POGZ: variants seen among roughly 807,000 people sequenced by gnomAD.
The protein encoded by POGZ is pogo transposable element derived with ZNF domain.
Under a neutral mutation model 134.6 loss-of-function variants are expected in POGZ, and 17 were observed. That is an observed-to-expected ratio of 0.13 (90% CI 0.09 to 0.19). The LOEUF (loss-of-function observed/expected upper bound fraction) is 0.19, where lower values mean the gene tolerates loss of function less well. Ranked by LOEUF, POGZ falls within the 10% of genes least tolerant of loss-of-function variation. POGZ has a pLI of 1.00. For synonymous variants in POGZ, 693 were observed against 657.1 expected (o/e 1.05, Z -0.84); for missense variants, 1,306 against 1,769.7 (o/e 0.74, Z 4.70).
intron 3 of POGZ, among the ~76,000 whole-genome samples, chr1:151,437,924 C>T (rs1659897051): frequency 6.6e-6 from 1 of 151,748 alleles, no homozygotes. Context: ...TCAAGAGTTC[C>T]TAGGCTGGGC....
chr1:151,428,093 G>C (rs1658074301), intron 6 of POGZ, 30 bp downstream of exon 6: 6 of 1,613,188 alleles, frequency 3.7e-6, no homozygotes, highest in South Asian at 1.1e-5. Context: ...TCCCAACCTG[G>C]CTCTGCCATC....
intron 1 of POGZ, among the ~76,000 whole-genome samples, chr1:151,443,876 T>C (rs1383271734): frequency 1.3e-5 from 2 of 152,228 alleles, no homozygotes; most frequent in East Asian, 3.8e-4. Flanking sequence ...AAACAAAGCC[T>C]TTACTGTAAG....
intron 8 of POGZ, 139 bp from the exon 9 acceptor site, chr1:151,424,425 G>T: frequency 3.5e-6 from 2 of 578,032 alleles, no homozygotes; most frequent in South Asian, 5.4e-5. Context: ...TTTTTTTAGC[G>T]TTTCCAAGTT....
intron 12 of POGZ, among the ~76,000 whole-genome samples, chr1:151,409,584 G>A (rs952320424): frequency 1.3e-5 from 2 of 151,992 alleles, no homozygotes; most frequent in African/African-American, 4.8e-5. Flanking sequence ...TGATCTACCT[G>A]CCTTGGCCTC....
At chr1:151,409,121 G>C (rs972313515) in intron 12 of POGZ, among the ~76,000 whole-genome samples, 1 of 152,094 alleles carries the variant, frequency 6.6e-6, no homozygotes. Context: ...ACCTTTATTT[G>C]TATTATATCT....
chr1:151,440,144 T>A (rs1405082480), intron 3 of POGZ, among the ~76,000 whole-genome samples: 1 of 151,772 alleles, frequency 6.6e-6, no homozygotes, highest in African/African-American at 2.4e-5. Flanking sequence ...AACCATCAGT[T>A]ATCTTCAGGT....
Position 151,408,087 on chromosome 1 carries a change from A to C in POGZ, c.2375+13T>G, listed in dbSNP as rs1342275864. ...AACTCTCAAGCTAAAACACTGGTTA[A>C]AAACCAACTTACTTGATCATGTGGT... On this transcript the variant is annotated intron_variant, in intron 15 of 18. Coordinates refer to ENST00000271715, the MANE Select transcript of POGZ (RefSeq NM_015100.4). The C allele has an allele frequency of 6.2e-7, 1 of 1,601,654 alleles. No individual in the cohort carries two copies. The highest frequency in any genetic ancestry group is 8.5e-7 in the Non-Finnish European group (1 of 1,175,720).
At chr1:151,457,713 G>C (rs1351673039) in intron 1 of POGZ, among the ~76,000 whole-genome samples, 2 of 152,146 alleles carry the variant, frequency 1.3e-5, no homozygotes, top group Non-Finnish European at 2.9e-5. Flanking sequence ...GATCACCTGA[G>C]GTCAGGCGTT....
chr1:151,438,616 G>A (rs1660015280), intron 3 of POGZ, among the ~76,000 whole-genome samples: 1 of 152,178 alleles, frequency 6.6e-6, no homozygotes, highest in South Asian at 2.1e-4. Context: ...GCTCACTCAC[G>A]CCTGTAATCC....
chr1:151,431,250 G>A (rs1658647400), intron 3 of POGZ, among the ~76,000 whole-genome samples: 1 of 152,086 alleles, frequency 6.6e-6, no homozygotes, highest in Non-Finnish European at 1.5e-5. Flanking sequence ...TGTCTTCACT[G>A]GGGATGAAAG....
Position 151,404,402 on chromosome 1 carries a change from C to CA in POGZ, c.*399dup, listed in dbSNP as rs1195870649. On this transcript the variant is annotated 3_prime_UTR_variant, in exon 19 of 19. Transcript: ENST00000271715. ...GACATTGGCCACACAATAAAACAAA[C>CA]AAAAAAACCCAGTACTATGATACAA... is the stretch of plus-strand genomic sequence containing the variant. 1.2e-5 allele frequency: 12 copies of CA among 990,868 alleles called. No individual in the cohort carries two copies. The highest frequency in any genetic ancestry group is 5.3e-5 in the African/African-American group (3 of 56,978). 61.4% of individuals were successfully genotyped at this position (990,868 alleles called of 1,614,324 possible).
chr1:151,451,783 T>G (rs141120630), intron 1 of POGZ, among the ~76,000 whole-genome samples: 2 of 151,858 alleles, frequency 1.3e-5, no homozygotes, highest in East Asian at 3.9e-4. Flanking sequence ...TCTATAAAAC[T>G]AATAGAAGTC....
intron 3 of POGZ, among the ~76,000 whole-genome samples, chr1:151,434,280 C>A (rs945217503): frequency 1.2e-4 from 19 of 152,126 alleles, no homozygotes; most frequent in African/African-American, 4.3e-4. Flanking sequence ...GCACTCCAGT[C>A]TGGGCAACAG....
chr1:151,452,899 G>A (rs1408030712), intron 1 of POGZ, among the ~76,000 whole-genome samples: 1 of 151,548 alleles, frequency 6.6e-6, no homozygotes, highest in Non-Finnish European at 1.5e-5. Flanking sequence ...GTGGTGGATA[G>A]TTTAAGTGTT....
At chr1:151,447,178 G>T (rs978587912) in intron 1 of POGZ, among the ~76,000 whole-genome samples, 2 of 152,052 alleles carry the variant, frequency 1.3e-5, no homozygotes, top group African/African-American at 4.8e-5. Context: ...ATGAGGTGAG[G>T]AGTTTGAGAC....
intron 3 of POGZ, among the ~76,000 whole-genome samples, chr1:151,435,107 C>T (rs1437824096): frequency 2.6e-5 from 4 of 152,112 alleles, no homozygotes; most frequent in Non-Finnish European, 4.4e-5. Flanking sequence ...CACTATTTGG[C>T]CATGCTAGTC....
chr1:151,404,392 A>C lies in POGZ; in HGVS notation c.*410T>G. 9.1e-6 allele frequency: 9 copies of C among 991,924 alleles called. No homozygotes were observed. Among genetic ancestry groups the C allele is most frequent in the Non-Finnish European group, 1.1e-5 (9 of 833,196 alleles). 61.4% of individuals were successfully genotyped at this position (991,924 alleles called of 1,614,324 possible). A position where few individuals can be genotyped will look rare whatever the true frequency, so the allele number is the denominator to read the frequency against. ...CATGCCCAAAGACATTGGCCACACA[A>C]TAAAACAAACAAAAAAACCCAGTAC... is the stretch of plus-strand genomic sequence containing the variant. On this transcript the variant is annotated 3_prime_UTR_variant, in exon 19 of 19. Coordinates refer to ENST00000271715, the MANE Select transcript of POGZ (RefSeq NM_015100.4).
chr1:151,431,361 T>G (rs1466607851), intron 3 of POGZ, among the ~76,000 whole-genome samples: 3 of 152,194 alleles, frequency 2.0e-5, no homozygotes, highest in Non-Finnish European at 4.4e-5. Flanking sequence ...ATGTTAAGTC[T>G]TTTTCCATAT....
At chr1:151,406,566 C>T (rs764504670) in intron 18 of POGZ, 41 bp downstream of exon 18, 2 of 1,601,234 alleles carry the variant, frequency 1.2e-6, no homozygotes, top group South Asian at 1.1e-5. Flanking sequence ...AGTAAACACA[C>T]TGCAAACCAG....
Sources: gnomAD v4.1 joint callset for allele counts (sites outside exome capture counted in the v4.1 genomes callset) on GRCh38, gnomAD v4.1.1 for gene constraint, MANE v1.5 for transcripts, NCBI Gene and HGNC (gene_info 2026-07-23, HGNC 2026-07-21) for gene names.